Variants in PDE10A observed in about 807,000 individuals in gnomAD.
PDE10A encodes the protein phosphodiesterase 10A, also known as cAMP and cAMP-inhibited cGMP 3',5'-cyclic phosphodiesterase 10A.
A neutral mutation model predicts 97.7 loss-of-function variants in PDE10A; 39 were observed. That is an observed-to-expected ratio of 0.40 (90% CI 0.31 to 0.52). The LOEUF is 0.52. Ranked by LOEUF, PDE10A falls within the 20% of genes least tolerant of loss-of-function variation. The pLI, the probability that PDE10A is intolerant of heterozygous loss-of-function variation, is 0.56. For synonymous variants in PDE10A, 371 were observed against 376.8 expected (o/e 0.98, Z 0.18); for missense variants, 731 against 1,047.8 (o/e 0.70, Z 4.17).
chr6:165,609,473 T>C (rs953213635), intron 1 of PDE10A, among the ~76,000 whole-genome samples: 4 of 152,156 alleles, frequency 2.6e-5, no homozygotes, highest in South Asian at 2.1e-4. Flanking sequence ...TCTCTCACCA[T>C]TCCTATTCAA....
At position 165,376,303 on chromosome 6, in the gene PDE10A, G is replaced by A. The variant is rs1206759038; in HGVS notation, c.2783+2891C>T. On this transcript the variant is annotated intron_variant, in intron 18 of 21. Coordinates refer to ENST00000539869, the MANE Select transcript of PDE10A (RefSeq NM_001385079.1). The stretch of plus-strand genomic sequence containing the variant: ...GTAGAAACTAGTGGAGCCTGAAAAT[G>A]ATGACTGATGCAATCATGATCAAAC... Among the ~76,000 whole-genome samples, 3 of 152,206 alleles carry A rather than the reference G, an allele frequency of 2.0e-5. No homozygotes were observed. In the East Asian group the frequency reaches 5.8e-4, roughly 29 times the overall value.
intron 1 of PDE10A, among the ~76,000 whole-genome samples, chr6:165,574,678 C>T (rs535559096): frequency 6.6e-6 from 1 of 152,136 alleles, no homozygotes; most frequent in Non-Finnish European, 1.5e-5. Context: ...TTACTAGTCT[C>T]GGCTCAGACT....
At chr6:165,820,575 T>C (rs1583142414) in intron 1 of PDE10A, among the ~76,000 whole-genome samples, 1 of 152,206 alleles carries the variant, frequency 6.6e-6, no homozygotes, top group Admixed American at 6.5e-5. Flanking sequence ...GAAAGAAGCC[T>C]GTACTCAGCA....
At chr6:165,749,223 TATCACCATCAC>T (rs1792916749) in intron 1 of PDE10A, among the ~76,000 whole-genome samples, 1 of 5,604 alleles carries the variant, frequency 1.8e-4, no homozygotes, top group South Asian at 5.7e-3. Flanking sequence ...ATCACCATCA[TATCACCATCAC>T]CACCATCACA....
At chr6:165,863,997 A>G (rs756628072) in intron 1 of PDE10A, among the ~76,000 whole-genome samples, 1 of 152,192 alleles carries the variant, frequency 6.6e-6, no homozygotes, top group Non-Finnish European at 1.5e-5. Context: ...GGGAAATGCA[A>G]TTATCCAAAA....
intron 1 of PDE10A, among the ~76,000 whole-genome samples, chr6:165,784,212 G>T (rs1778426902): frequency 6.7e-6 from 1 of 148,354 alleles, no homozygotes; most frequent in Admixed American, 6.7e-5. Flanking sequence ...AACAATGCGA[G>T]ACTCCATCTC....
At chr6:165,367,598 A>G (rs1740812) in intron 18 of PDE10A, among the ~76,000 whole-genome samples, 70,702 of 151,280 alleles carry the variant, frequency 0.47, 17,459 homozygotes, top group African/African-American at 0.64. Context: ...AAAAGCGGTC[A>G]GGGTAAAAGA....
intron 1 of PDE10A, among the ~76,000 whole-genome samples, chr6:165,599,364 T>C (rs1052262666): frequency 6.6e-6 from 1 of 152,210 alleles, no homozygotes; most frequent in African/African-American, 2.4e-5. Context: ...TCTTTCTCTG[T>C]TGCACAAAGG....
In PDE10A at chr6:165,868,176, A is replaced by G. The variant is rs149957903; in HGVS notation, c.-615+119353T>C. Among the ~76,000 whole-genome samples the G allele has an allele frequency of 2.1e-3, 319 of 152,200 alleles. 1 individual carries two copies. Among genetic ancestry groups the G allele is most frequent in the African/African-American group, 7.3e-3 (303 of 41,570 alleles). On this transcript the variant is annotated intron_variant, in intron 1 of 19. Coordinates refer to the PDE10A transcript ENST00000366882. ...ATGAAACAAACACTAAGATTAGAGT[A>G]GAACTAAACAAAATAGACTAAAATA...
chr6:165,640,632 C>T (rs1268808623), intron 1 of PDE10A, among the ~76,000 whole-genome samples: 1 of 152,214 alleles, frequency 6.6e-6, no homozygotes, highest in Non-Finnish European at 1.5e-5. Context: ...TCTAAACCTT[C>T]CTGTTCAGAA....
rs117088316 is a variant in PDE10A at position 165,914,973 on chromosome 6, T to C, written c.-615+72556A>G. ...GTGAAATTTAGAAGATGGGATGCTA[T>C]TCCACTGGTTTCAAGGCACAGAAAC... is the stretch of plus-strand genomic sequence containing the variant. On this transcript the variant is annotated intron_variant, in intron 1 of 19. Coordinates refer to the PDE10A transcript ENST00000366882. Among the ~76,000 whole-genome samples, 16 of 152,022 alleles carry C rather than the reference T, an allele frequency of 1.1e-4. No homozygotes were observed. The East Asian group carries it at 3.1e-3, about 29-fold the overall frequency.
chr6:165,564,940 A>G (rs1485048710), intron 1 of PDE10A, among the ~76,000 whole-genome samples: 1 of 152,218 alleles, frequency 6.6e-6, no homozygotes, highest in Non-Finnish European at 1.5e-5. Context: ...AATGTGTCAA[A>G]AAGTTGGCAG....
intron 1 of PDE10A, among the ~76,000 whole-genome samples, chr6:165,568,730 G>A (rs1289938809): frequency 6.6e-6 from 1 of 152,172 alleles, no homozygotes; most frequent in Non-Finnish European, 1.5e-5. Context: ...AAGTTAAAGG[G>A]TGCAAGTTCT....
At chr6:165,791,503 G>A (rs542634797) in intron 1 of PDE10A, among the ~76,000 whole-genome samples, 2 of 152,252 alleles carry the variant, frequency 1.3e-5, no homozygotes, top group East Asian at 3.9e-4. Flanking sequence ...TTATTTTAAT[G>A]TTTATCTTCC....
chr6:165,446,021 C>T (rs1562474853), intron 5 of PDE10A, among the ~76,000 whole-genome samples: 1 of 151,898 alleles, frequency 6.6e-6, no homozygotes, highest in Non-Finnish European at 1.5e-5. Flanking sequence ...TTCAAAGGAA[C>T]ATAGAAGAAG....
chr6:165,646,123 G>A (rs752963625), intron 1 of PDE10A, among the ~76,000 whole-genome samples: 10 of 152,280 alleles, frequency 6.6e-5, no homozygotes, highest in Middle Eastern at 3.4e-3. Flanking sequence ...CATCAGGAAC[G>A]CGAGGGCAAA....
intron 1 of PDE10A, among the ~76,000 whole-genome samples, chr6:165,824,284 T>TGC (rs1779662528): frequency 6.6e-6 from 1 of 152,202 alleles, no homozygotes; most frequent in Non-Finnish European, 1.5e-5. Flanking sequence ...AATTATCACA[T>TGC]TTAAATTTGA....
intron 1 of PDE10A, among the ~76,000 whole-genome samples, chr6:165,825,422 T>C (rs1230915941): frequency 6.6e-6 from 1 of 152,166 alleles, no homozygotes; most frequent in Non-Finnish European, 1.5e-5. Context: ...GGCCTCAAGC[T>C]GTGTGGTCCC....
intron 13 of PDE10A, among the ~76,000 whole-genome samples, chr6:165,406,033 A>G (rs1034682488): frequency 6.6e-6 from 1 of 152,170 alleles, no homozygotes; most frequent in African/African-American, 2.4e-5. Flanking sequence ...TGTCCATGTC[A>G]GTTATAAATT....
Sources: gnomAD v4.1 joint callset for allele counts (sites outside exome capture counted in the v4.1 genomes callset) on GRCh38, gnomAD v4.1.1 for gene constraint, MANE v1.5 for transcripts, NCBI Gene and HGNC (gene_info 2026-07-23, HGNC 2026-07-21) for gene names.